The following PRMT2 variants were observed in gnomAD, a reference collection of about 807,000 sequenced individuals.
PRMT2 encodes protein arginine N-methyltransferase 2.
PRMT2 carries 26 observed loss-of-function variants against 57.6 expected under a neutral mutation model. The observed-to-expected ratio is 0.45, with a 90% CI of 0.33 to 0.63. PRMT2 has a LOEUF of 0.63. Ranked by LOEUF, PRMT2 falls within the 20% of genes least tolerant of loss-of-function variation. The probability of loss-of-function intolerance (pLI) is 0.02; values close to 1 mark genes in which losing one functional copy is unlikely to be tolerated. For missense variants in PRMT2, 472 were observed against 564.4 expected, an observed-to-expected ratio of 0.84 and a Z score of 1.66; for synonymous variants, 219 against 220.0, an observed-to-expected ratio of 1.00 and a Z score of 0.04.
chr21:46,653,574 G>C, intron 7 of PRMT2: 1 of 1,055,600 alleles, frequency 9.5e-7, no homozygotes, highest in South Asian at 2.8e-5. Flanking sequence ...TGGCTTCCCA[G>C]TGGGACAGGC....
At position 46,649,787 on chromosome 21, in the gene PRMT2, T is replaced by A. The variant is rs1253233422; in HGVS notation, c.654+48T>A. 6.3e-7 allele frequency: 1 copy of A among 1,588,928 alleles called. No homozygotes were observed. The highest frequency in any genetic ancestry group is 2.3e-5 in the East Asian group (1 of 43,576). ...CTGGGGGCCGGAGCTGGGGGGCTTC[T>A]GAGCACGGGCTCGGCTGGGCCAACC... is the stretch of plus-strand genomic sequence containing the variant. On this transcript the variant is annotated intron_variant, in intron 7 of 11. Transcript: ENST00000355680. The surrounding 1 kb of genome is among the most constrained non-coding windows in gnomAD (Gnocchi z 4.8).
At position 46,654,730 on chromosome 21, in the gene PRMT2, G is replaced by A. The variant is rs190989582; in HGVS notation, c.655-4015G>A. ...TATTAGGTAGAAGTAATCTAGAGAT[G>A]ATTTAAAGTCTGTCGGAGGATGTGT... is the stretch of plus-strand genomic sequence containing the variant. On this transcript the variant is annotated intron_variant, in intron 7 of 11. Coordinates refer to ENST00000355680, the MANE Select transcript of PRMT2 (RefSeq NM_206962.4). The A allele has an allele frequency of 3.6e-3, 598 of 165,986 alleles. 1 individual carries two copies. Among genetic ancestry groups the A allele is most frequent in the Admixed American group, 6.9e-3 (105 of 15,320 alleles). The allele number at this position is 165,986 out of a possible 1,614,324, so 10.3% of individuals were successfully genotyped here.
chr21:46,646,838 G>A (rs1353505366), intron 5 of PRMT2, among the ~76,000 whole-genome samples: 3 of 152,202 alleles, frequency 2.0e-5, no homozygotes, highest in Admixed American at 6.5e-5. Flanking sequence ...AAATACCTTA[G>A]ACTGAGTGAA....
chr21:46,646,734 T>C (rs1440479931), intron 5 of PRMT2, among the ~76,000 whole-genome samples: 1 of 152,224 alleles, frequency 6.6e-6, no homozygotes, highest in Non-Finnish European at 1.5e-5. Flanking sequence ...GTGTGTGTAG[T>C]GTGTACATGT....
intron 7 of PRMT2, chr21:46,657,686 G>A (rs2061561181): frequency 6.6e-6 from 1 of 152,234 alleles, no homozygotes; most frequent in Non-Finnish European, 1.5e-5. Flanking sequence ...AGAGAAAAGG[G>A]TGAAGAGTGT....
chr21:46,652,134 G>A, intron 7 of PRMT2: 1 of 1,456,976 alleles, frequency 6.9e-7, no homozygotes. Context: ...CGACTGATTT[G>A]GAGAAAAGAG....
intron 3 of PRMT2, among the ~76,000 whole-genome samples, chr21:46,641,762 G>C (rs1166084651): frequency 6.6e-6 from 1 of 151,262 alleles, no homozygotes; most frequent in Non-Finnish European, 1.5e-5. Flanking sequence ...CGTGTACACA[G>C]GGCTTTGTGT....
In PRMT2 at chr21:46,661,846, T is replaced by C. The variant is rs752250513; in HGVS notation, c.1007T>C (p.Leu336Pro). The change falls in exon 10 of 12, where the codon CTG (leucine) becomes CCG (proline). Residue 336 changes from leucine to proline, a missense_variant. This residue lies in a region of PRMT2 where 229 missense variants were observed against 217.2 expected (regional missense o/e 1.05). Transcript: ENST00000355680. Reference protein sequence around the residue: ...LRFDIRKAGTLHGFTAWFSVH... With the variant: ...LRFDIRKAGTPHGFTAWFSVH... ...TTCGACATCAGGAAGGCGGGGACCC[T>C]GCACGGCTTCACGGCCTGGTTTAGC... 3 of 1,514,996 alleles carry C rather than the reference T, an allele frequency of 2.0e-6. No homozygotes were observed. Among genetic ancestry groups the C allele is most frequent in the Admixed American group, 2.0e-5 (1 of 49,552 alleles). 93.8% of individuals were successfully genotyped at this position (1,514,996 alleles called of 1,614,324 possible). A position where few individuals can be genotyped will look rare whatever the true frequency, so the allele number is the denominator to read the frequency against.
chr21:46,659,083 A>G lies in PRMT2; in HGVS notation c.830+163A>G, dbSNP rs8133560. ...GTTGTAGCATTGGAGTAATTAAAGCAGTATGGTGCTATAACAAGACAGATG... is the reference window on the plus strand; with the variant it reads ...GTTGTAGCATTGGAGTAATTAAAGCGGTATGGTGCTATAACAAGACAGATG... On this transcript the variant is annotated intron_variant, in intron 8 of 11. Transcript: ENST00000355680. 92 of 1,415,644 alleles carry G rather than the reference A, an allele frequency of 6.5e-5. No individual in the cohort carries two copies. In the African/African-American group the frequency reaches 1.2e-3, roughly 18 times the overall value. 87.7% of individuals were successfully genotyped at this position (1,415,644 alleles called of 1,614,324 possible).
intron 3 of PRMT2, among the ~76,000 whole-genome samples, chr21:46,640,900 C>G (rs887127858): frequency 6.6e-6 from 1 of 150,882 alleles, no homozygotes; most frequent in Admixed American, 6.6e-5. Flanking sequence ...TTCTGTTGAC[C>G]TGACTCTTGA....
intron 7 of PRMT2, among the ~76,000 whole-genome samples, chr21:46,651,526 C>T (rs1354142837): frequency 6.6e-6 from 1 of 151,656 alleles, no homozygotes; most frequent in African/African-American, 2.4e-5. Context: ...CAGACAGGAC[C>T]ATGTGGTGGT....
chr21:46,639,255 T>C (rs2061227067), intron 3 of PRMT2, among the ~76,000 whole-genome samples: 1 of 152,234 alleles, frequency 6.6e-6, no homozygotes, highest in Non-Finnish European at 1.5e-5. Context: ...GCTTGCTTTA[T>C]GTTCTAATCA....
At chr21:46,661,218 T>A in intron 9 of PRMT2, 1 of 322,976 alleles carries the variant, frequency 3.1e-6, no homozygotes, top group Non-Finnish European at 5.6e-6. Context: ...ATTTTAGATT[T>A]ATGTTTAATA....
intron 3 of PRMT2, among the ~76,000 whole-genome samples, chr21:46,640,016 T>C (rs1453887610): frequency 1.3e-5 from 2 of 152,218 alleles, no homozygotes; most frequent in African/African-American, 4.8e-5. Flanking sequence ...CCTCCTTTAA[T>C]AGCTTGTTAG....
In PRMT2 at chr21:46,661,922, C is replaced by T. The variant is rs764678168; in HGVS notation, c.1083C>T (p.Thr361=). ...QEGQPPQVLS[T]GPFHPTTHWK... ...GGCAGCCGCCGCAGGTGCTCAGCAC[C>T]GGGCCCTTCCACCCGTGAGTGTGCG... is the stretch of plus-strand genomic sequence containing the variant. The change falls in exon 10 of 12, where the codon ACC becomes ACT. Residue 361 remains threonine (T), a synonymous_variant. Transcript: ENST00000355680. 2 of 1,190,440 alleles carry T rather than the reference C, an allele frequency of 1.7e-6. No homozygotes were observed. Among genetic ancestry groups the T allele is most frequent in the Admixed American group, 3.0e-5 (1 of 33,876 alleles). The allele number at this position is 1,190,440 out of a possible 1,614,324, so 73.7% of individuals were successfully genotyped here. A position where few individuals can be genotyped will look rare whatever the true frequency, so the allele number is the denominator to read the frequency against.
chr21:46,659,038 G>A, intron 8 of PRMT2, 118 bp downstream of exon 8: 1 of 1,459,484 alleles, frequency 6.9e-7, no homozygotes, highest in Non-Finnish European at 9.1e-7. Context: ...GGGTACCTGT[G>A]CACCCAGATA....
intron 9 of PRMT2, 47 bp downstream of exon 9, chr21:46,661,009 C>T (rs1464026066): frequency 2.5e-6 from 4 of 1,579,918 alleles, no homozygotes; most frequent in East Asian, 2.3e-5. Context: ...TCAGTGACCA[C>T]GAAACACTCA....
intron 1 of PRMT2, 25 bp downstream of exon 1, chr21:46,635,788 G>A (rs920034312): frequency 1.1e-4 from 17 of 152,362 alleles, no homozygotes; most frequent in African/African-American, 4.1e-4. Context: ...GGGCAGCTCA[G>A]ATGGCTGGAC....
At chr21:46,663,139 C>A (rs78793399) in intron 10 of PRMT2, among the ~76,000 whole-genome samples, 209 of 152,356 alleles carry the variant, frequency 1.4e-3, no homozygotes, top group Non-Finnish European at 2.7e-3. Context: ...ATCTGTCTCA[C>A]TAGCGTAACT....
Sources: gnomAD v4.1 joint callset for allele counts (sites outside exome capture counted in the v4.1 genomes callset) on GRCh38, gnomAD v4.1.1 for gene constraint, gnomAD v4.1.1 regional missense constraint, Gnocchi (gnomAD v3.1) non-coding constraint, MANE v1.5 for transcripts, NCBI Gene and HGNC (gene_info 2026-07-23, HGNC 2026-07-21) for gene names.